Variants in NPM3 observed in about 807,000 individuals in gnomAD.
The protein encoded by NPM3 is nucleoplasmin-3.
In NPM3, 12 loss-of-function variants were observed where a neutral mutation model predicts 18.1. The observed-to-expected ratio is 0.66, with a 90% confidence interval of 0.42 to 1.07. NPM3 has a LOEUF of 1.07. Among genes scored for constraint, NPM3 ranks in the 50% least tolerant of loss-of-function variants. NPM3 has a pLI of 0.00. For missense variants in NPM3, 274 were observed against 232.1 expected (o/e 1.18, Z -1.17); for synonymous variants, 116 against 93.7 (o/e 1.24, Z -1.38).
At chr10:101,783,143 C>T (rs566874658) in intron 1 of NPM3, 130 bp downstream of exon 1, 20 of 860,556 alleles carry the variant, frequency 2.3e-5, no homozygotes, top group Middle Eastern at 2.4e-4. Context: ...CGTGCGAGGC[C>T]CCCTCTCCTG....
chr10:101,782,593 C>G, exon 3 of NPM3: 1 of 1,613,910 alleles, frequency 6.2e-7, no homozygotes, highest in African/African-American at 1.3e-5. Context: ...CTCGGTGAGG[C>G]AGAGCTGGGA....
chr10:101,782,404 T>C, intron 3 of NPM3, 53 bp from the exon 4 acceptor site: 1 of 1,604,402 alleles, frequency 6.2e-7, no homozygotes, highest in Non-Finnish European at 8.5e-7. Context: ...CACCCCACAC[T>C]GTAATGAGTG....
At chr10:101,782,429 C>T (rs1325226618) in intron 3 of NPM3, 49 bp downstream of exon 3, 2 of 1,598,826 alleles carry the variant, frequency 1.3e-6, no homozygotes, top group Non-Finnish European at 8.5e-7. Context: ...CGTCCTCAAT[C>T]CCCTCACCAC....
chr10:101,783,312 G>T, exon 1 of NPM3: 1 of 1,612,082 alleles, frequency 6.2e-7, no homozygotes, highest in South Asian at 1.1e-5. Context: ...GCCGGGACCC[G>T]TAGGCCCCCG....
chr10:101,782,660 C>A, intron 2 of NPM3, 63 bp from the exon 3 acceptor site: 1 of 1,608,818 alleles, frequency 6.2e-7, no homozygotes, highest in East Asian at 2.2e-5. Flanking sequence ...CAACTAAAGG[C>A]ATCTACCCTA....
At chr10:101,782,112 T>C in intron 4 of NPM3, 146 bp downstream of exon 4, 1 of 878,360 alleles carries the variant, frequency 1.1e-6, no homozygotes, top group South Asian at 1.6e-5. Context: ...GGGCATGTCA[T>C]GCACAGGGCA....
chr10:101,782,632 A>G (rs1314563131), intron 2 of NPM3, 35 bp from the exon 3 acceptor site: 1 of 1,612,052 alleles, frequency 6.2e-7, no homozygotes, highest in Non-Finnish European at 8.5e-7. Flanking sequence ...GGGTCTCCTC[A>G]AGTGAGGGTT....
In NPM3 at chr10:101,782,468, G is replaced by A. The variant is rs1226011319; in HGVS notation, c.324+10C>T. Reference sequence around the variant, plus strand: ...CACCACCACCACCAAGGCAGAGCTGGGGAACTCACCATGGGTTGGCAGGAC... The same window carrying A: ...CACCACCACCACCAAGGCAGAGCTGAGGAACTCACCATGGGTTGGCAGGAC... On this transcript the variant is annotated intron_variant, in intron 3 of 5. Transcript: ENST00000370110. 2 of 1,609,042 alleles carry A rather than the reference G, an allele frequency of 1.2e-6. No homozygotes were observed. Among genetic ancestry groups the A allele is most frequent in the African/African-American group, 1.3e-5 (1 of 74,878 alleles).
In NPM3 at chr10:101,782,668, C is replaced by T. The variant is rs1186856781; in HGVS notation, c.205-71G>A. 9 of 1,605,530 alleles carry T rather than the reference C, an allele frequency of 5.6e-6. No individual in the cohort carries two copies. The Admixed American group carries it at 6.8e-5, about 12-fold the overall frequency. ...GACACCACAACTAAAGGCATCTACCCTAGCACCTGCCCAGCCTCAGAGGTC... is the reference window on the plus strand; with the variant it reads ...GACACCACAACTAAAGGCATCTACCTTAGCACCTGCCCAGCCTCAGAGGTC... On this transcript the variant is annotated intron_variant, in intron 2 of 5. Coordinates refer to ENST00000370110, the Ensembl canonical transcript of NPM3.
At chr10:101,782,908 G>A in exon 2 of NPM3, 2 of 1,614,046 alleles carry the variant, frequency 1.2e-6, no homozygotes, top group Non-Finnish European at 8.5e-7. Context: ...AGCGGGTGTG[G>A]CCGGAGAGCT....
intron 4 of NPM3, 53 bp downstream of exon 4, chr10:101,782,205 C>A (rs1411746751): frequency 6.7e-7 from 1 of 1,486,910 alleles, no homozygotes; most frequent in East Asian, 2.3e-5. Flanking sequence ...GTGGGGGAAG[C>A]CTGATGGGAG....
upstream of NPM3, chr10:101,783,426 C>T (rs764057285): frequency 2.0e-6 from 3 of 1,478,114 alleles, no homozygotes; most frequent in Non-Finnish European, 2.8e-6. Context: ...GCCCCCGACA[C>T]GCACAAAGCC....
At chr10:101,782,690 G>A (rs2065151233) in intron 2 of NPM3, 93 bp from the exon 3 acceptor site, 4 of 1,595,934 alleles carry the variant, frequency 2.5e-6, no homozygotes, top group Admixed American at 1.8e-5. Flanking sequence ...CAGCCTCAGA[G>A]GTCCCGGTTC....
exon 6 of NPM3, chr10:101,781,538 C>A: frequency 3.1e-6 from 1 of 319,370 alleles, no homozygotes; most frequent in Non-Finnish European, 6.1e-6. Flanking sequence ...ACCCAACCCC[C>A]ACCCAAGCTC....
intron 2 of NPM3, 88 bp from the exon 3 acceptor site, chr10:101,782,685 TCA>T: frequency 6.3e-7 from 1 of 1,598,324 alleles, no homozygotes; most frequent in Admixed American, 1.8e-5. Context: ...CTGCCCAGCC[TCA>T]GAGGTCCCGG....
In NPM3 at chr10:101,783,009, C is replaced by A. The variant is rs1383692539; in HGVS notation, c.119-85G>T. 12 of 1,281,850 alleles carry A rather than the reference C, an allele frequency of 9.4e-6. No individual in the cohort carries two copies. The South Asian group carries it at 1.3e-4, about 14-fold the overall frequency. 79.4% of individuals were successfully genotyped at this position (1,281,850 alleles called of 1,614,324 possible). The stretch of plus-strand genomic sequence containing the variant: ...GTCACCAACCCGCCGTCACGTGTAA[C>A]CTTGGGCGGACGGGTCATTTACACG... On this transcript the variant is annotated intron_variant, in intron 1 of 5. Coordinates refer to ENST00000370110, the Ensembl canonical transcript of NPM3.
rs1209352201 is a variant in NPM3 at position 101,782,831 on chromosome 10, C to T, written c.204+8G>A. 8.7e-6 allele frequency: 14 copies of T among 1,613,616 alleles called. No individual in the cohort carries two copies. The highest frequency in any genetic ancestry group is 2.7e-5 in the African/African-American group (2 of 74,920). ...TATTCATTAAAACCCCACTCCCCTG[C>T]CCCTCACCATGGTTAGTGCCAGCAC... On this transcript the variant is annotated splice_region_variant and intron_variant, in intron 2 of 5. Coordinates refer to ENST00000370110, the Ensembl canonical transcript of NPM3.
At chr10:101,781,618 G>T in exon 6 of NPM3, 1 of 1,126,510 alleles carries the variant, frequency 8.9e-7, no homozygotes, top group Non-Finnish European at 1.3e-6. Flanking sequence ...GCGGTGCATG[G>T]CACATGGAGC....
chr10:101,782,558 C>T, exon 3 of NPM3: 2 of 1,614,088 alleles, frequency 1.2e-6, no homozygotes, highest in Non-Finnish European at 1.7e-6. Context: ...ACAACTTCTA[C>T]CACATTACAC....
Sources: gnomAD v4.1 joint callset for allele counts on GRCh38, gnomAD v4.1.1 for gene constraint, MANE v1.5 for transcripts, NCBI Gene and HGNC (gene_info 2026-07-23, HGNC 2026-07-21) for gene names.